FGF12: variants seen among roughly 807,000 people sequenced by gnomAD.
The protein encoded by FGF12 is fibroblast growth factor 12, also known as fibroblast growth factor 12B.
Under a neutral mutation model 23.6 loss-of-function variants are expected in FGF12, and 14 were observed. The ratio of observed to expected loss-of-function variants is 0.59; its 90% CI spans 0.39 to 0.93. The LOEUF (loss-of-function observed/expected upper bound fraction) is 0.93. FGF12 is among the 40% of genes least tolerant of loss of function. The pLI is 0.00. For synonymous variants in FGF12, 62 were observed against 77.3 expected (o/e 0.80, Z 1.04); for missense variants, 175 against 217.8 (o/e 0.80, Z 1.24).
At chr3:192,300,165 C>A (rs1388203536) in intron 4 of FGF12, among the ~76,000 whole-genome samples, 1 of 152,204 alleles carries the variant, frequency 6.6e-6, no homozygotes, top group Non-Finnish European at 1.5e-5. Context: ...GCTAATAGCA[C>A]CTACCAGGTG....
chr3:192,435,540 A>G (rs1259490425), intron 2 of FGF12, among the ~76,000 whole-genome samples: 1 of 152,108 alleles, frequency 6.6e-6, no homozygotes, highest in East Asian at 1.9e-4. Flanking sequence ...CAGATAATGT[A>G]CTGGAAACCC....
intron 2 of FGF12, among the ~76,000 whole-genome samples, chr3:192,576,952 C>G (rs1712923946): frequency 6.6e-6 from 1 of 152,080 alleles, no homozygotes; most frequent in African/African-American, 2.4e-5. Context: ...CAAACTAACA[C>G]AAGAACAGAG....
chr3:192,290,127 C>T (rs1714676997), intron 4 of FGF12, among the ~76,000 whole-genome samples: 2 of 152,024 alleles, frequency 1.3e-5, no homozygotes, highest in Non-Finnish European at 2.9e-5. Flanking sequence ...ATCAATTGCA[C>T]AGCAGGGTGA....
At position 192,336,598 on chromosome 3, in the gene FGF12, T is replaced by C. The variant is rs565514060; in HGVS notation, c.125-1134A>G. ...ACGGCTGTATGCATAAGAGAATATC[T>C]CTGCAGTTCATTTCAGTATCCTGGC... On this transcript the variant is annotated intron_variant, in intron 3 of 5. Coordinates refer to ENST00000445105, the MANE Select transcript of FGF12 (RefSeq NM_004113.6). This position sits in a 1 kb window ranked among gnomAD's most constrained non-coding sequence, Gnocchi z 4.3. Among the ~76,000 whole-genome samples the C allele has an allele frequency of 6.6e-5, 10 of 152,286 alleles. No homozygotes were observed. In the East Asian group the frequency reaches 1.9e-3, roughly 29 times the overall value.
At position 192,496,282 on chromosome 3, in the gene FGF12, C is replaced by T. The variant is rs114010078; in HGVS notation, c.14-135744G>A. On this transcript the variant is annotated intron_variant, in intron 2 of 5. Transcript: ENST00000445105. ...CAGATCTAATTGTACAATATAATCTCGGGGGGAGCTTTTCTAAAATATAAA... is the reference window on the plus strand; with the variant it reads ...CAGATCTAATTGTACAATATAATCTTGGGGGGAGCTTTTCTAAAATATAAA... Among the ~76,000 whole-genome samples the T allele has an allele frequency of 2.2e-3, 330 of 152,006 alleles. 2 individuals are homozygous for T. The highest frequency in any genetic ancestry group is 7.5e-3 in the African/African-American group (310 of 41,456).
At chr3:192,711,280 G>C (rs1718661670) in intron 2 of FGF12, among the ~76,000 whole-genome samples, 2 of 128,898 alleles carry the variant, frequency 1.6e-5, no homozygotes, top group African/African-American at 6.9e-5. Context: ...CCGTCCGGGA[G>C]GGAGGTGGGG....
At chr3:192,656,746 A>G (rs886519512) in intron 2 of FGF12, among the ~76,000 whole-genome samples, 7 of 152,180 alleles carry the variant, frequency 4.6e-5, no homozygotes, top group African/African-American at 1.7e-4. Flanking sequence ...TTTTCAGAGT[A>G]CCCAACAAGA....
intron 5 of FGF12, among the ~76,000 whole-genome samples, chr3:192,152,457 A>G (rs1316468486): frequency 4.1e-5 from 6 of 146,908 alleles, no homozygotes; most frequent in Non-Finnish European, 7.5e-5. Flanking sequence ...ATTTAGTGCT[A>G]TAAATTTCCC....
At chr3:192,473,025 C>T (rs141919463) in intron 2 of FGF12, among the ~76,000 whole-genome samples, 108 of 152,204 alleles carry the variant, frequency 7.1e-4, no homozygotes, top group African/African-American at 2.5e-3. Context: ...TCTTTAATGC[C>T]GTTTCTGTAC....
chr3:192,375,288 T>C (rs1003486320), intron 2 of FGF12, among the ~76,000 whole-genome samples: 5 of 152,232 alleles, frequency 3.3e-5, no homozygotes, highest in African/African-American at 4.8e-5. Flanking sequence ...TTATTTATTA[T>C]GCATTTCTTT....
At chr3:192,467,667 T>C (rs2108811705) in intron 2 of FGF12, among the ~76,000 whole-genome samples, 1 of 152,230 alleles carries the variant, frequency 6.6e-6, no homozygotes, top group Non-Finnish European at 1.5e-5. Context: ...GACTACATGA[T>C]TGTGAATTCC....
At chr3:192,372,188 C>T (rs1039027174) in intron 2 of FGF12, among the ~76,000 whole-genome samples, 1 of 152,160 alleles carries the variant, frequency 6.6e-6, no homozygotes, top group African/African-American at 2.4e-5. Flanking sequence ...ATTATTTGGG[C>T]GAGCACAGGC....
At chr3:192,305,854 GTTTTTTTTTTTTT>G (rs755560177) in intron 4 of FGF12, among the ~76,000 whole-genome samples, 13 of 77,442 alleles carry the variant, frequency 1.7e-4, no homozygotes, top group African/African-American at 8.3e-4. Context: ...CATCTCTCTG[GTTTTTTTTTTTTT>G]TTTTTTTTTT....
intron 2 of FGF12, among the ~76,000 whole-genome samples, chr3:192,616,029 A>G (rs1227878038): frequency 6.6e-6 from 1 of 151,974 alleles, no homozygotes; most frequent in Non-Finnish European, 1.5e-5. Context: ...TATTAGTTTT[A>G]TGCTTACAAA....
chr3:192,396,529 G>T (rs1224145635), intron 2 of FGF12, among the ~76,000 whole-genome samples: 2 of 152,198 alleles, frequency 1.3e-5, no homozygotes, highest in African/African-American at 4.8e-5. Context: ...GCCTTTCATA[G>T]TTGTATGACC....
At chr3:192,429,322 A>T (rs924789828) in intron 2 of FGF12, among the ~76,000 whole-genome samples, 2 of 152,266 alleles carry the variant, frequency 1.3e-5, no homozygotes, top group Admixed American at 1.3e-4. Flanking sequence ...CCATATTTTG[A>T]TGGAATGGAA....
rs1712472901 is a variant in FGF12 at position 192,569,030 on chromosome 3, A to C, written c.13+158151T>G. ...GCTGAGCAAAACAGGAGAAAACAGT[A>C]CATGCGGAATAATCACCATGTCTAA... On this transcript the variant is annotated intron_variant, in intron 2 of 5. Transcript: ENST00000445105. 3.3e-5 allele frequency among the ~76,000 whole-genome samples: 5 copies of C among 152,356 alleles called. No homozygotes were observed. In the South Asian group the frequency reaches 8.3e-4, roughly 25 times the overall value.
chr3:192,553,232 C>T (rs1711608957), intron 2 of FGF12, among the ~76,000 whole-genome samples: 1 of 151,602 alleles, frequency 6.6e-6, no homozygotes, highest in Non-Finnish European at 1.5e-5. Context: ...TTTTCTTTTA[C>T]AAATGTCATT....
chr3:192,628,020 C>T (rs958027639), intron 2 of FGF12, among the ~76,000 whole-genome samples: 2 of 152,080 alleles, frequency 1.3e-5, no homozygotes, highest in Admixed American at 1.3e-4. Flanking sequence ...CAACTGATCT[C>T]TAACCTCTGG....
Sources: gnomAD v4.1 joint callset for allele counts (sites outside exome capture counted in the v4.1 genomes callset) on GRCh38, gnomAD v4.1.1 for gene constraint, Gnocchi (gnomAD v3.1) non-coding constraint, MANE v1.5 for transcripts, NCBI Gene and HGNC (gene_info 2026-07-23, HGNC 2026-07-21) for gene names.